Variants in RBM20 observed in about 807,000 individuals in gnomAD.
RBM20 encodes the protein RNA binding motif protein 20.
In RBM20, 51 loss-of-function variants were observed where a neutral mutation model predicts 110.1. The observed-to-expected ratio is 0.46, with a 90% CI of 0.37 to 0.59. RBM20 has a LOEUF of 0.59. RBM20 is among the 20% of genes least tolerant of loss of function. The pLI is 0.00. For synonymous variants in RBM20, 589 were observed against 618.2 expected (o/e 0.95, Z 0.70); for missense variants, 1,512 against 1,574.9 (o/e 0.96, Z 0.68).
At chr10:110,702,315 G>A (rs1437319292) in intron 1 of RBM20, among the ~76,000 whole-genome samples, 2 of 152,096 alleles carry the variant, frequency 1.3e-5, no homozygotes, top group African/African-American at 4.8e-5. Flanking sequence ...CTAGGTGGGA[G>A]GATCACCTGA....
At chr10:110,776,373 A>G (rs914689818) in intron 1 of RBM20, among the ~76,000 whole-genome samples, 5 of 152,200 alleles carry the variant, frequency 3.3e-5, no homozygotes, top group Admixed American at 6.5e-5. Context: ...AATAACATAC[A>G]TGTATTATCT....
chr10:110,693,079 A>G (rs962041524), intron 1 of RBM20, among the ~76,000 whole-genome samples: 58 of 151,688 alleles, frequency 3.8e-4, no homozygotes, highest in Non-Finnish European at 6.3e-4. Context: ...ATTTTTTTAT[A>G]TTGAACTATC....
intron 12 of RBM20, among the ~76,000 whole-genome samples, chr10:110,830,827 G>A (rs1199107351): frequency 1.3e-5 from 2 of 152,168 alleles, no homozygotes; most frequent in African/African-American, 4.8e-5. Flanking sequence ...CCACACCGCC[G>A]AGTCCATCCC....
intron 1 of RBM20, among the ~76,000 whole-genome samples, chr10:110,688,964 A>AT (rs1862545972): frequency 1.3e-5 from 2 of 151,700 alleles, no homozygotes; most frequent in African/African-American, 4.8e-5. Flanking sequence ...GTTTTGAAGA[A>AT]TAATAGGATC....
chr10:110,809,907 G>A (rs1372719838), intron 7 of RBM20, among the ~76,000 whole-genome samples: 3 of 152,174 alleles, frequency 2.0e-5, no homozygotes, highest in Non-Finnish European at 4.4e-5. Flanking sequence ...CCCTGGAGCT[G>A]TGCAGAGCAG....
At chr10:110,643,658 C>T (rs574804145), upstream of RBM20, among the ~76,000 whole-genome samples, 15 of 152,308 alleles carry the variant, frequency 9.8e-5, no homozygotes, top group East Asian at 2.9e-3. Flanking sequence ...AAAAAGAAAC[C>T]AGAAACCCAC....
chr10:110,749,604 A>G lies in RBM20; in HGVS notation c.192-31197A>G, dbSNP rs183627885. Among the ~76,000 whole-genome samples the G allele has an allele frequency of 1.6e-4, 25 of 152,320 alleles. 2 individuals carry two copies. In the East Asian group the frequency reaches 4.6e-3, roughly 28 times the overall value. The stretch of plus-strand genomic sequence containing the variant: ...TGCAATTACAGAAACCAATTCTAAA[A>G]TTGATTTGAAGAGTAAGGTACATCC... On this transcript the variant is annotated intron_variant, in intron 1 of 13. Coordinates refer to ENST00000369519, the MANE Select transcript of RBM20 (RefSeq NM_001134363.3).
intron 1 of RBM20, among the ~76,000 whole-genome samples, chr10:110,772,028 C>T (rs867530665): frequency 2.6e-5 from 4 of 152,052 alleles, no homozygotes; most frequent in East Asian, 3.9e-4. Flanking sequence ...CTTATGTTAC[C>T]GAGAAAATGG....
intron 1 of RBM20, among the ~76,000 whole-genome samples, chr10:110,758,415 G>A (rs566706041): frequency 2.0e-5 from 3 of 152,288 alleles, no homozygotes; most frequent in South Asian, 4.2e-4. Flanking sequence ...GATAGGATAA[G>A]GGAGGAGGTC....
At chr10:110,814,049 T>C (rs1844809010) in intron 9 of RBM20, among the ~76,000 whole-genome samples, 1 of 152,172 alleles carries the variant, frequency 6.6e-6, no homozygotes, top group South Asian at 2.1e-4. Flanking sequence ...TTTGGCAATA[T>C]GCATAAGGAG....
chr10:110,816,451 C>A (rs1381980064), intron 9 of RBM20, among the ~76,000 whole-genome samples: 1 of 151,724 alleles, frequency 6.6e-6, no homozygotes, highest in Non-Finnish European at 1.5e-5. Context: ...CCAACCTGCT[C>A]CCCTCCCTCT....
chr10:110,650,636 C>G (rs570752369), intron 1 of RBM20, among the ~76,000 whole-genome samples: 43 of 152,302 alleles, frequency 2.8e-4, no homozygotes, highest in African/African-American at 1.0e-3. Flanking sequence ...TTTGCACCTG[C>G]TTTCTCTTGA....
rs1843603733 is a variant in RBM20, at chr10:110,729,961, A to C, written c.192-50840A>C. 2.6e-5 allele frequency among the ~76,000 whole-genome samples: 4 copies of C among 152,160 alleles called. No individual in the cohort carries two copies. In the South Asian group the frequency reaches 8.3e-4, roughly 32 times the overall value. ...CTCCTGAGTAGCTGGGATTACAGGC[A>C]TGCGCCACCATGCCCGGCTAATTTT... is the stretch of plus-strand genomic sequence containing the variant. On this transcript the variant is annotated intron_variant, in intron 1 of 13. Transcript: ENST00000369519.
chr10:110,820,201 C>G, intron 10 of RBM20, 25 bp downstream of exon 10: 1 of 1,492,860 alleles, frequency 6.7e-7, no homozygotes. Flanking sequence ...AGATTCTGCA[C>G]TTCTGCCATG....
chr10:110,679,624 A>G (rs577787672), intron 1 of RBM20, among the ~76,000 whole-genome samples: 1 of 152,136 alleles, frequency 6.6e-6, no homozygotes, highest in Admixed American at 6.5e-5. Context: ...TGTCTGCCTC[A>G]TGGGGTTGTT....
chr10:110,733,702 G>A lies in RBM20; in HGVS notation c.192-47099G>A, dbSNP rs537732941. 5.9e-5 allele frequency among the ~76,000 whole-genome samples: 9 copies of A among 152,338 alleles called. No homozygotes were observed. The East Asian group carries it at 1.2e-3, about 20-fold the overall frequency. On this transcript the variant is annotated intron_variant, in intron 1 of 13. Coordinates refer to ENST00000369519, the MANE Select transcript of RBM20 (RefSeq NM_001134363.3). ...CAAATTTCCCACACTGGCGTGGCTC[G>A]GCGCTTTCTGGCTGCCTTGGAGATC...
chr10:110,695,955 T>C (rs1265522215), intron 1 of RBM20, among the ~76,000 whole-genome samples: 2 of 152,202 alleles, frequency 1.3e-5, no homozygotes, highest in Admixed American at 6.5e-5. Flanking sequence ...TTCTTCCTAA[T>C]AGTGGTCTTG....
Position 110,737,087 on chromosome 10 carries a change from G to A in RBM20, c.192-43714G>A, listed in dbSNP as rs1055228283. 6.1e-5 allele frequency among the ~76,000 whole-genome samples: 9 copies of A among 147,610 alleles called. No individual in the cohort carries two copies. The East Asian group carries it at 1.1e-3, about 17-fold the overall frequency. ...AGCTACTCGGGAGGCTGAGACAGGA[G>A]AATCACTTGTACCTGGGAGGCAGAG... On this transcript the variant is annotated intron_variant, in intron 1 of 13. Transcript: ENST00000369519.
chr10:110,705,449 G>A (rs371585496), intron 1 of RBM20, among the ~76,000 whole-genome samples: 129 of 152,252 alleles, frequency 8.5e-4, no homozygotes, highest in African/African-American at 3.1e-3. Flanking sequence ...TACCAAATCT[G>A]TTTTAACCAG....
Sources: gnomAD v4.1 joint callset for allele counts (sites outside exome capture counted in the v4.1 genomes callset) on GRCh38, gnomAD v4.1.1 for gene constraint, MANE v1.5 for transcripts, NCBI Gene and HGNC (gene_info 2026-07-23, HGNC 2026-07-21) for gene names.